MARCHF3: variants seen among roughly 807,000 people sequenced by gnomAD.
MARCHF3 encodes the protein E3 ubiquitin-protein ligase MARCHF3.
MARCHF3 carries 13 observed loss-of-function variants against 24.2 expected under a neutral mutation model. The observed-to-expected ratio is 0.54, with a 90% CI of 0.35 to 0.85. The LOEUF (loss-of-function observed/expected upper bound fraction) is 0.85, where lower values mean the gene tolerates loss of function less well. MARCHF3 is among the 40% of genes least tolerant of loss of function. MARCHF3 has a pLI of 0.01. For synonymous variants in MARCHF3, 144 were observed against 137.3 expected (o/e 1.05, Z -0.34); for missense variants, 276 against 325.0 (o/e 0.85, Z 1.16).
intron 3 of MARCHF3, among the ~76,000 whole-genome samples, chr5:126,907,890 T>C (rs1326896362): frequency 5.9e-5 from 9 of 152,094 alleles, no homozygotes; most frequent in Non-Finnish European, 4.4e-5. Flanking sequence ...TTTTGCTCGT[T>C]AGTTGATGCA....
intron 1 of MARCHF3, among the ~76,000 whole-genome samples, chr5:126,996,560 G>GA (rs34717348): frequency 0.04 from 6,113 of 151,768 alleles, 172 homozygotes; most frequent in Non-Finnish European, 0.063. Flanking sequence ...AAAGGGAGAA[G>GA]AGGGCACACT....
chr5:126,967,407 T>C (rs1321959916), intron 1 of MARCHF3, among the ~76,000 whole-genome samples: 2 of 152,136 alleles, frequency 1.3e-5, no homozygotes, highest in East Asian at 1.9e-4. Flanking sequence ...ATACTCAACA[T>C]TTAGGCCTGG....
intron 1 of MARCHF3, among the ~76,000 whole-genome samples, chr5:127,017,049 G>C (rs1752658012): frequency 6.6e-6 from 1 of 152,104 alleles, no homozygotes; most frequent in East Asian, 1.9e-4. Flanking sequence ...TCACTCTTAG[G>C]TGTGAATTGA....
intron 4 of MARCHF3, among the ~76,000 whole-genome samples, chr5:126,874,768 A>G (rs1753091790): frequency 6.6e-6 from 1 of 152,134 alleles, no homozygotes; most frequent in South Asian, 2.1e-4. Flanking sequence ...GGGGAAAAGG[A>G]GTATAGGAGT....
chr5:126,888,339 C>T (rs1467968778), intron 3 of MARCHF3, among the ~76,000 whole-genome samples: 1 of 152,144 alleles, frequency 6.6e-6, no homozygotes, highest in East Asian at 1.9e-4. Flanking sequence ...CTATAATGCT[C>T]CATAAATACT....
intron 1 of MARCHF3, among the ~76,000 whole-genome samples, chr5:127,015,712 T>G (rs780378158): frequency 1.3e-5 from 2 of 152,262 alleles, no homozygotes; most frequent in Non-Finnish European, 2.9e-5. Context: ...ATAAATCATT[T>G]TAGTGGATAC....
At chr5:126,980,869 G>C (rs903074786) in intron 1 of MARCHF3, among the ~76,000 whole-genome samples, 1 of 152,202 alleles carries the variant, frequency 6.6e-6, no homozygotes, top group Non-Finnish European at 1.5e-5. Context: ...TCTATAACAA[G>C]GTTTAGTGAG....
At chr5:126,881,760 A>G (rs538829553) in intron 3 of MARCHF3, among the ~76,000 whole-genome samples, 1 of 152,196 alleles carries the variant, frequency 6.6e-6, no homozygotes, top group Admixed American at 6.5e-5. Flanking sequence ...GTGGTTTAAA[A>G]CTTTTTTTGT....
intron 1 of MARCHF3, among the ~76,000 whole-genome samples, chr5:126,980,701 A>C (rs1751366019): frequency 6.6e-6 from 1 of 152,140 alleles, no homozygotes; most frequent in Admixed American, 6.5e-5. Flanking sequence ...GCACAGGCCA[A>C]ATAAAACACA....
At chr5:126,876,598 C>CT (rs1753166301) in intron 4 of MARCHF3, among the ~76,000 whole-genome samples, 1 of 152,104 alleles carries the variant, frequency 6.6e-6, no homozygotes, top group Non-Finnish European at 1.5e-5. Context: ...ATGGAAGCTA[C>CT]TGGAACAGCT....
At chr5:126,990,792 A>G (rs1751732506) in intron 1 of MARCHF3, among the ~76,000 whole-genome samples, 1 of 152,228 alleles carries the variant, frequency 6.6e-6, no homozygotes, top group African/African-American at 2.4e-5. Context: ...CAGACACATG[A>G]AAAAGTGCTC....
At chr5:126,919,834 C>T (rs558000601) in intron 1 of MARCHF3, among the ~76,000 whole-genome samples, 5 of 152,296 alleles carry the variant, frequency 3.3e-5, no homozygotes, top group South Asian at 2.1e-4. Context: ...TCAGGGTCTG[C>T]GTCTGCCTTT....
chr5:126,949,620 C>A (rs1750149009), intron 1 of MARCHF3, among the ~76,000 whole-genome samples: 3 of 152,168 alleles, frequency 2.0e-5, no homozygotes, highest in Non-Finnish European at 4.4e-5. Flanking sequence ...CTAGGAGGCC[C>A]TGGAGAGACA....
chr5:126,907,970 T>C (rs1754363867), intron 3 of MARCHF3, among the ~76,000 whole-genome samples: 1 of 152,202 alleles, frequency 6.6e-6, no homozygotes, highest in Admixed American at 6.5e-5. Flanking sequence ...GGTTGTTCCT[T>C]TCCATATTTA....
chr5:126,878,096 GAT>G, intron 4 of MARCHF3, 87 bp downstream of exon 4: 1 of 1,292,366 alleles, frequency 7.7e-7, no homozygotes, highest in South Asian at 1.3e-5. Context: ...GGGCAGGTGA[GAT>G]GTGTTACAGA....
chr5:126,902,639 A>G (rs1380982949), intron 3 of MARCHF3, among the ~76,000 whole-genome samples: 1 of 152,172 alleles, frequency 6.6e-6, no homozygotes, highest in Non-Finnish European at 1.5e-5. Context: ...TCATGTGAAC[A>G]CTTCGGTTGG....
chr5:127,014,003 T>C (rs904772986), intron 1 of MARCHF3, among the ~76,000 whole-genome samples: 6 of 152,162 alleles, frequency 3.9e-5, no homozygotes, highest in African/African-American at 1.2e-4. Flanking sequence ...AAAGATTTTA[T>C]GATTAAGAAC....
intron 1 of MARCHF3, among the ~76,000 whole-genome samples, chr5:126,918,892 CAA>C (rs1049386507): frequency 6.6e-6 from 1 of 152,150 alleles, no homozygotes; most frequent in Non-Finnish European, 1.5e-5. Flanking sequence ...GCTTTGTCTT[CAA>C]GTTATTCATG....
intron 1 of MARCHF3, among the ~76,000 whole-genome samples, chr5:126,994,115 C>T (rs973367563): frequency 6.6e-6 from 1 of 152,176 alleles, no homozygotes; most frequent in Non-Finnish European, 1.5e-5. Flanking sequence ...GGAAACAACC[C>T]AAATGTCCTT....
Sources: allele counts gnomAD v4.1 joint callset (sites outside exome capture counted in the v4.1 genomes callset), GRCh38; gene constraint gnomAD v4.1.1; transcripts MANE v1.5; gene names NCBI Gene and HGNC (gene_info 2026-07-23, HGNC 2026-07-21).